RNF6: variants seen among roughly 807,000 people sequenced by gnomAD.
RNF6 encodes the protein ring finger protein 6.
In RNF6, 21 loss-of-function variants were observed where a neutral mutation model predicts 50.1. The ratio of observed to expected loss-of-function variants is 0.42; its 90% CI spans 0.30 to 0.60. RNF6 has a LOEUF of 0.60. Among genes scored for constraint, RNF6 ranks in the 20% least tolerant of loss-of-function variants. The probability of loss-of-function intolerance (pLI) is 0.20; values close to 1 mark genes in which losing one functional copy is unlikely to be tolerated. For missense variants in RNF6, 698 were observed against 838.2 expected (o/e 0.83, Z 2.07); for synonymous variants, 255 against 291.8 (o/e 0.87, Z 1.29).
chr13:26,148,630 C>T, intron 5 of RNF6, among the ~76,000 whole-genome samples: 1 of 10,538 alleles, frequency 9.5e-5, no homozygotes. Flanking sequence ...GTATAAATCT[C>T]TTTATATATA....
At chr13:26,212,024 T>C (rs933541229), downstream of RNF6, among the ~76,000 whole-genome samples, 5 of 152,340 alleles carry the variant, frequency 3.3e-5, no homozygotes, top group African/African-American at 1.2e-4. Flanking sequence ...TTCAGTTTCA[T>C]TGCCACCATT....
At position 26,177,054 on chromosome 13, in the gene RNF6, G is replaced by A. The variant is rs1286697257; in HGVS notation, n.768+38420C>T. Among the ~76,000 whole-genome samples the A allele has an allele frequency of 2.6e-5, 4 of 152,166 alleles. No homozygotes were observed. In the East Asian group the frequency reaches 5.8e-4, roughly 22 times the overall value. On this transcript the variant is annotated intron_variant and non_coding_transcript_variant, in intron 5 of 5. Transcript: ENST00000468480. ...ACTGATGGGTCTACAAGCCAAGAAG[G>A]AAAGATCGGCGGGGACCACCAGAGC...
rs545278220 is a variant in RNF6, at chr13:26,197,025, T to C, written n.768+18449A>G. Reference sequence around the variant, plus strand: ...GAAATGGAAAGTTAAATATGGGAAGTGGGAAATGGGACATGGGAAGAGTGA... The same window carrying C: ...GAAATGGAAAGTTAAATATGGGAAGCGGGAAATGGGACATGGGAAGAGTGA... On this transcript the variant is annotated intron_variant and non_coding_transcript_variant, in intron 5 of 5. Coordinates refer to the RNF6 transcript ENST00000468480. Among the ~76,000 whole-genome samples the C allele has an allele frequency of 5.3e-5, 8 of 151,972 alleles. No homozygotes were observed. In the East Asian group the frequency reaches 1.5e-3, roughly 29 times the overall value.
chr13:26,178,753 C>A (rs1873094465), intron 5 of RNF6, among the ~76,000 whole-genome samples: 1 of 151,924 alleles, frequency 6.6e-6, no homozygotes, highest in Non-Finnish European at 1.5e-5. Context: ...ATTTGCATAA[C>A]CAAAACTTGG....
Position 26,173,834 on chromosome 13 carries a change from C to A in RNF6, n.769-41383G>T, listed in dbSNP as rs538874768. 2.6e-5 allele frequency among the ~76,000 whole-genome samples: 4 copies of A among 151,464 alleles called. No individual in the cohort carries two copies. In the South Asian group the frequency reaches 8.3e-4, roughly 31 times the overall value. On this transcript the variant is annotated intron_variant and non_coding_transcript_variant, in intron 5 of 5. Coordinates refer to the RNF6 transcript ENST00000468480. Reference sequence around the variant, plus strand: ...GATGTGGTGGTGTATGCCTGTAATCCTAGCTACTCGGGAGGCTGAGGCAGG... The same window carrying A: ...GATGTGGTGGTGTATGCCTGTAATCATAGCTACTCGGGAGGCTGAGGCAGG...
rs555311185 is a variant in RNF6 at position 26,200,829 on chromosome 13, A to G, written n.768+14645T>C. On this transcript the variant is annotated intron_variant and non_coding_transcript_variant, in intron 5 of 5. Transcript: ENST00000468480. ...TGTGCTGTTTCTTGCTGCCCCATTCAGATACAGTGTTTGCAGTGACCTGTG... is the reference window on the plus strand; with the variant it reads ...TGTGCTGTTTCTTGCTGCCCCATTCGGATACAGTGTTTGCAGTGACCTGTG... Among the ~76,000 whole-genome samples the G allele has an allele frequency of 2.6e-5, 4 of 152,326 alleles. No homozygotes were observed. The South Asian group carries it at 8.3e-4, about 32-fold the overall frequency.
At position 26,179,226 on chromosome 13, in the gene RNF6, G is replaced by A. The variant is rs1810721; in HGVS notation, n.768+36248C>T. On this transcript the variant is annotated intron_variant and non_coding_transcript_variant, in intron 5 of 5. Transcript: ENST00000468480. ...TCTAGCTGCCATAGCAGTCATACCT[G>A]TACAATTTGCATTCTTAGATCTAGT... Among the ~76,000 whole-genome samples the A allele has an allele frequency of 3.3e-5, 5 of 151,878 alleles. No homozygotes were observed. The South Asian group carries it at 8.3e-4, about 25-fold the overall frequency.
intron 5 of RNF6, among the ~76,000 whole-genome samples, chr13:26,138,637 T>G (rs1199621860): frequency 6.6e-6 from 1 of 152,158 alleles, no homozygotes; most frequent in African/African-American, 2.4e-5. Context: ...GAGCAGGTTT[T>G]ATATACTATG....
intron 5 of RNF6, among the ~76,000 whole-genome samples, chr13:26,147,902 G>A (rs1448202287): frequency 1.3e-5 from 2 of 152,232 alleles, no homozygotes; most frequent in Admixed American, 6.5e-5. Flanking sequence ...CGTGACATTA[G>A]GACAACATGT....
rs301061 is a variant in RNF6, at chr13:26,168,012, A to T, written n.769-35561T>A. Among the ~76,000 whole-genome samples, 1,164 of 152,332 alleles carry T rather than the reference A, an allele frequency of 7.6e-3. 14 individuals carry two copies. The highest frequency in any genetic ancestry group is 0.021 in the African/African-American group (884 of 41,570). ...CTAAATGATGAGAACACATGGACACAAAGAGGAAAACAAGAGACACTGGGG... is the reference window on the plus strand; with the variant it reads ...CTAAATGATGAGAACACATGGACACTAAGAGGAAAACAAGAGACACTGGGG... On this transcript the variant is annotated intron_variant and non_coding_transcript_variant, in intron 5 of 5. Coordinates refer to the RNF6 transcript ENST00000468480.
chr13:26,137,545 C>T (rs1180055033), intron 5 of RNF6, among the ~76,000 whole-genome samples: 1 of 151,070 alleles, frequency 6.6e-6, no homozygotes, highest in East Asian at 1.9e-4. Context: ...AACTTTTTAT[C>T]AGTTATGTTG....
intron 5 of RNF6, among the ~76,000 whole-genome samples, chr13:26,160,597 T>G (rs928006230): frequency 8.6e-5 from 13 of 151,368 alleles, no homozygotes; most frequent in Admixed American, 7.9e-4. Flanking sequence ...TAAACACTAT[T>G]TTGCACATGC....
At chr13:26,189,691 G>A (rs886952342) in intron 5 of RNF6, among the ~76,000 whole-genome samples, 24 of 151,620 alleles carry the variant, frequency 1.6e-4, no homozygotes, top group African/African-American at 5.3e-4. Flanking sequence ...TTTGAGACAG[G>A]TAGCATTCAT....
chr13:26,204,167 G>A (rs1448869154), intron 5 of RNF6, among the ~76,000 whole-genome samples: 3 of 151,800 alleles, frequency 2.0e-5, no homozygotes, highest in African/African-American at 4.8e-5. Context: ...TTCACTTCTC[G>A]GAGACCCAAA....
intron 5 of RNF6, among the ~76,000 whole-genome samples, chr13:26,186,472 G>A (rs565645067): frequency 2.0e-4 from 31 of 152,342 alleles, no homozygotes; most frequent in African/African-American, 7.2e-4. Flanking sequence ...GCAGCCAGTC[G>A]CGCTACCGAC....
chr13:26,197,255 C>G (rs1420709709), intron 5 of RNF6, among the ~76,000 whole-genome samples: 1 of 151,936 alleles, frequency 6.6e-6, no homozygotes, highest in Non-Finnish European at 1.5e-5. Context: ...CAGCCAACAC[C>G]TGGGGAAAGG....
At chr13:26,145,560 C>T (rs1871189128) in intron 5 of RNF6, among the ~76,000 whole-genome samples, 2 of 152,088 alleles carry the variant, frequency 1.3e-5, no homozygotes, top group South Asian at 4.1e-4. Flanking sequence ...CCTCCTACTC[C>T]TGCTGTGTAA....
At chr13:26,178,466 A>AATACCATC (rs1555317325) in intron 5 of RNF6, among the ~76,000 whole-genome samples, 1 of 150,044 alleles carries the variant, frequency 6.7e-6, no homozygotes, top group African/African-American at 2.5e-5. Context: ...CCCACGTCCT[A>AATACCATC]ATACCATCAT....
intron 5 of RNF6, among the ~76,000 whole-genome samples, chr13:26,162,042 G>T (rs1164802882): frequency 1.3e-5 from 2 of 152,086 alleles, no homozygotes; most frequent in Admixed American, 6.5e-5. Context: ...TGTATATTAT[G>T]ATGTTTTCAC....
Sources: gnomAD v4.1 joint callset for allele counts (sites outside exome capture counted in the v4.1 genomes callset) on GRCh38, gnomAD v4.1.1 for gene constraint, MANE v1.5 for transcripts, NCBI Gene and HGNC (gene_info 2026-07-23, HGNC 2026-07-21) for gene names.